NOP9: variants seen among roughly 807,000 people sequenced by gnomAD.
NOP9 encodes the protein nucleolar protein 9.
NOP9 carries 50 observed loss-of-function variants against 63.0 expected under a neutral mutation model. The ratio of observed to expected loss-of-function variants is 0.79; its 90% confidence interval spans 0.63 to 1.00. The LOEUF (loss-of-function observed/expected upper bound fraction) is 1.00. Ranked by LOEUF, NOP9 falls within the 50% of genes least tolerant of loss-of-function variation. The probability of loss-of-function intolerance (pLI) is 0.00; values close to 1 mark genes in which losing one functional copy is unlikely to be tolerated. For missense variants in NOP9, 758 were observed against 803.0 expected (o/e 0.94, Z 0.68); for synonymous variants, 343 against 332.8 (o/e 1.03, Z -0.33).
upstream of NOP9, chr14:24,296,413 G>T: frequency 1.7e-6 from 2 of 1,182,376 alleles, no homozygotes; most frequent in South Asian, 2.5e-5. Context: ...GATGGGGGAG[G>T]CCGGAGGGAA....
the NOP9 span, among the ~76,000 whole-genome samples, chr14:24,286,542 A>T: frequency 1.3e-5 from 2 of 152,058 alleles, no homozygotes; most frequent in African/African-American, 4.8e-5. Context: ...ATTTTTGTGC[A>T]TGACACCTCA....
chr14:24,291,143 C>T, the NOP9 span: 2 of 1,614,120 alleles, frequency 1.2e-6, no homozygotes, highest in Non-Finnish European at 1.7e-6. Flanking sequence ...CCTCACCGTC[C>T]ACATCCCGAA....
At chr14:24,301,863 CTT>C in intron 3 of NOP9, 100 bp from the exon 4 acceptor site, 1 of 1,454,578 alleles carries the variant, frequency 6.9e-7, no homozygotes, top group Non-Finnish European at 9.5e-7. Context: ...TGTATAGTCC[CTT>C]TGTGTCCATA....
chr14:24,290,417 T>C, the NOP9 span, among the ~76,000 whole-genome samples: 2 of 152,166 alleles, frequency 1.3e-5, no homozygotes, highest in Non-Finnish European at 2.9e-5. Context: ...GTGGAGCGAC[T>C]CTGCTCCTCA....
At chr14:24,299,186 G>A, upstream of NOP9, 2 of 1,491,606 alleles carry the variant, frequency 1.3e-6, no homozygotes, top group Non-Finnish European at 1.8e-6. Flanking sequence ...GTGTGTTGGG[G>A]CGAGGTTGGG....
the NOP9 span, among the ~76,000 whole-genome samples, chr14:24,283,052 G>A: frequency 1.2e-4 from 18 of 152,222 alleles, no homozygotes; most frequent in African/African-American, 4.3e-4. Context: ...TCTGAACTAA[G>A]AGACTTGACC....
At chr14:24,277,650 T>G in the NOP9 span, among the ~76,000 whole-genome samples, 4 of 152,198 alleles carry the variant, frequency 2.6e-5, no homozygotes, top group African/African-American at 9.7e-5. Context: ...CCAGAAGCAA[T>G]AAAGCCTGGC....
chr14:24,303,042 A>G (rs748262690), intron 5 of NOP9, 32 bp from the exon 6 acceptor site: 2 of 1,501,728 alleles, frequency 1.3e-6, no homozygotes, highest in East Asian at 2.4e-5. Flanking sequence ...CATTACCAGA[A>G]TGCCAGAGTT....
At chr14:24,275,132 G>GAACTCCCGACC in the NOP9 span, among the ~76,000 whole-genome samples, 1 of 149,176 alleles carries the variant, frequency 6.7e-6, no homozygotes, top group African/African-American at 2.5e-5. Context: ...GGCTGGTCTT[G>GAACTCCCGACC]AACTCCCGAC....
the NOP9 span, among the ~76,000 whole-genome samples, chr14:24,280,731 T>C: frequency 6.6e-6 from 1 of 152,260 alleles, no homozygotes; most frequent in African/African-American, 2.4e-5. Flanking sequence ...CTAAGACAAT[T>C]TCAGGGAATC....
upstream of NOP9, among the ~76,000 whole-genome samples, chr14:24,297,169 G>T (rs942897413): frequency 1.3e-5 from 2 of 152,174 alleles, no homozygotes; most frequent in South Asian, 4.2e-4. Context: ...GCAAGTAGAG[G>T]GTAAGAACAA....
At chr14:24,285,341 T>G in the NOP9 span, among the ~76,000 whole-genome samples, 3 of 151,978 alleles carry the variant, frequency 2.0e-5, no homozygotes, top group African/African-American at 7.3e-5. Flanking sequence ...TCTCTGTTGG[T>G]GGGGTAGGGA....
At position 24,301,991 on chromosome 14, in the gene NOP9, T is replaced by C; in HGVS notation, c.835T>C (p.Phe279Leu). The C allele has an allele frequency of 6.2e-7, 1 of 1,614,088 alleles. No individual in the cohort carries two copies. ...AVFITDKISS[F>L]CLQVALQVLH... ...GTTTATCACTGATAAGATCTCCAGC[T>C]TCTGTCTTCAAGTGGCTTTACAGGT... Residue 279 changes from phenylalanine (F) to leucine (L), a missense_variant, in exon 4 of 10, where the codon TTC (phenylalanine) becomes CTC (leucine). Coordinates refer to ENST00000267425, the MANE Select transcript of NOP9 (RefSeq NM_174913.3).
chr14:24,303,358 T>A, intron 6 of NOP9, 144 bp downstream of exon 6: 1 of 997,558 alleles, frequency 1.0e-6, no homozygotes, highest in Non-Finnish European at 1.5e-6. Flanking sequence ...AAATGAGGCC[T>A]ATAGGTGCCC....
upstream of NOP9, chr14:24,296,523 G>C (rs753904537): frequency 6.2e-7 from 1 of 1,614,220 alleles, no homozygotes. Flanking sequence ...GTCCGACGTT[G>C]TTGATATCAT....
rs2041430983 is a variant in NOP9 at position 24,304,125 on chromosome 14, C to T, written c.1495C>T (p.Pro499Ser). 6.2e-7 allele frequency: 1 copy of T among 1,614,132 alleles called. No individual in the cohort carries two copies. ...LLQHLLHFST[P>S]GLVLRSLGAL... ...CCAGCATCTGCTGCACTTCTCCACT[C>T]CTGGTCTTGTACTTCGAAGTCTGGG... Residue 499 changes from proline (P) to serine (S), a missense_variant, in exon 8 of 10, where the codon CCT (proline) becomes TCT (serine). Physicochemically the swap from Pro to Ser is moderately conservative, Grantham distance 74 (BLOSUM62 -1). Transcript: ENST00000267425.
At chr14:24,297,225 C>T (rs1290222832), upstream of NOP9, among the ~76,000 whole-genome samples, 1 of 152,204 alleles carries the variant, frequency 6.6e-6, no homozygotes, top group Non-Finnish European at 1.5e-5. Flanking sequence ...GCATCCTTTT[C>T]CTTGTTGTGG....
At chr14:24,297,055 G>A (rs929965142), upstream of NOP9, among the ~76,000 whole-genome samples, 1 of 152,208 alleles carries the variant, frequency 6.6e-6, no homozygotes, top group Non-Finnish European at 1.5e-5. Context: ...AGTAGTTTCA[G>A]GAATGATAGG....
chr14:24,290,867 T>C, the NOP9 span: 4 of 1,613,378 alleles, frequency 2.5e-6, no homozygotes, highest in Admixed American at 6.7e-5. Flanking sequence ...GGTTAGAACT[T>C]GCTAGTGTAG....
Sources: gnomAD v4.1 joint callset for allele counts (sites outside exome capture counted in the v4.1 genomes callset) on GRCh38, gnomAD v4.1.1 for gene constraint, MANE v1.5 for transcripts, NCBI Gene and HGNC (gene_info 2026-07-23, HGNC 2026-07-21) for gene names.